Variants in ZNF3 observed in about 807,000 individuals in gnomAD.
ZNF3 encodes the protein zinc finger protein 3, also known as C2-H2 type zinc finger protein.
Under a neutral mutation model 36.9 loss-of-function variants are expected in ZNF3, and 16 were observed. The ratio of observed to expected loss-of-function variants is 0.43; its 90% CI spans 0.29 to 0.66. ZNF3 has a LOEUF of 0.66. ZNF3 is among the 30% of genes least tolerant of loss of function. ZNF3 has a pLI of 0.13. For synonymous variants in ZNF3, 201 were observed against 201.9 expected (o/e 1.00, Z 0.04); for missense variants, 462 against 543.1 (o/e 0.85, Z 1.48).
At position 100,081,188 on chromosome 7, in the gene ZNF3, G is replaced by T. The variant is rs1020434442; in HGVS notation, c.-198+447C>A. 2.0e-5 allele frequency among the ~76,000 whole-genome samples: 3 copies of T among 152,204 alleles called. No individual in the cohort carries two copies. The highest frequency in any genetic ancestry group is 7.2e-5 in the African/African-American group (3 of 41,442). ...CCCAGCCCTCGTGCTAACTGCGTAC[G>T]CTTAGCAGAATTTCTCTGATCCTTG... On this transcript the variant is annotated intron_variant, in intron 1 of 5. Coordinates refer to ENST00000299667, the MANE Select transcript of ZNF3 (RefSeq NM_032924.5). The surrounding 1 kb of genome is among the most constrained non-coding windows in gnomAD (Gnocchi z 4.3).
chr7:100,079,500 G>A (rs1794663333), intron 2 of ZNF3, 36 bp downstream of exon 2: 1 of 152,122 alleles, frequency 6.6e-6, no homozygotes, highest in Non-Finnish European at 1.5e-5. Flanking sequence ...CGAGATAGAT[G>A]GCCTGGCAGT....
At chr7:100,075,471 T>C in intron 4 of ZNF3, 71 bp downstream of exon 4, 2 of 1,579,426 alleles carry the variant, frequency 1.3e-6, no homozygotes, top group Non-Finnish European at 8.7e-7. Flanking sequence ...GAGATCAGGG[T>C]TTAAAGCTCT....
chr7:100,074,614 C>T lies in ZNF3; in HGVS notation c.271+521G>A, dbSNP rs188193110. 1.7e-3 allele frequency among the ~76,000 whole-genome samples: 254 copies of T among 152,312 alleles called. 1 individual carries two copies. Among genetic ancestry groups the T allele is most frequent in the Non-Finnish European group, 2.2e-3 (151 of 68,016 alleles). ...CCTGTAAAATGAGGAATAATACTAGCTGCCTCAATTAATGTGTTACTGTGA... is the reference window on the plus strand; with the variant it reads ...CCTGTAAAATGAGGAATAATACTAGTTGCCTCAATTAATGTGTTACTGTGA... On this transcript the variant is annotated intron_variant, in intron 5 of 5. Transcript: ENST00000299667.
At chr7:100,079,481 C>T (rs762453135) in intron 2 of ZNF3, 55 bp downstream of exon 2, 3 of 152,170 alleles carry the variant, frequency 2.0e-5, no homozygotes, top group Non-Finnish European at 2.9e-5. Context: ...TGGTGCTGCC[C>T]GTGGGGACCG....
chr7:100,072,349 G>A (rs940828507), intron 5 of ZNF3, 137 bp from the exon 6 acceptor site: 108 of 796,444 alleles, frequency 1.4e-4, no homozygotes, highest in Admixed American at 9.2e-4. Context: ...ACATGTGTGC[G>A]GCTAAGGCAA....
chr7:100,066,128 A>G (rs1047111788), downstream of ZNF3, among the ~76,000 whole-genome samples: 1 of 152,002 alleles, frequency 6.6e-6, no homozygotes, highest in East Asian at 1.9e-4. Context: ...CAGCAGCAGG[A>G]TTGCAATTTC....
rs1393444611 is a variant in ZNF3 at position 100,075,751 on chromosome 7, A to C, written c.56-121T>G. 10 of 877,792 alleles carry C rather than the reference A, an allele frequency of 1.1e-5. No individual in the cohort carries two copies. The Admixed American group carries it at 2.5e-4, about 22-fold the overall frequency. 54.4% of individuals were successfully genotyped at this position (877,792 alleles called of 1,614,324 possible). On this transcript the variant is annotated intron_variant, in intron 3 of 5. Coordinates refer to ENST00000299667, the MANE Select transcript of ZNF3 (RefSeq NM_032924.5). The stretch of plus-strand genomic sequence containing the variant: ...GGGACAACACAGGACCCTCTCTCTC[A>C]CATTTCTAAGTTTGCTTCCTCTGCA...
chr7:100,068,638 CA>C (rs35298023), downstream of ZNF3, among the ~76,000 whole-genome samples: 324 of 143,772 alleles, frequency 2.3e-3, 2 homozygotes, highest in Middle Eastern at 7.0e-3. Flanking sequence ...GACTCCATCT[CA>C]AAAAAAAAAA....
At chr7:100,064,800 A>G in exon 6 of ZNF3, 1 of 1,614,180 alleles carries the variant, frequency 6.2e-7, no homozygotes, top group South Asian at 1.1e-5. Context: ...AGAAGGTGTC[A>G]GGAGGTTCCA....
chr7:100,074,114 T>G (rs1441414189), intron 5 of ZNF3, among the ~76,000 whole-genome samples: 1 of 151,772 alleles, frequency 6.6e-6, no homozygotes, highest in African/African-American at 2.4e-5. Context: ...GAGACCACGC[T>G]ATTGCACTCC....
chr7:100,075,040 G>C, intron 5 of ZNF3, 95 bp downstream of exon 5: 1 of 1,467,942 alleles, frequency 6.8e-7, no homozygotes. Flanking sequence ...AAAAAAATCT[G>C]CTGAAACAGC....
In ZNF3 at chr7:100,075,209, T is replaced by C; in HGVS notation, c.197A>G (p.Lys66Arg). The stretch of plus-strand genomic sequence containing the variant: ...GTCCCTCTGAGCAGGTTCCAAACGC[T>C]TCCACTCCTTCCGGATGAAGTACAC... ...VAVYFIRKEW[K>R]RLEPAQRDLY... Residue 66 changes from lysine (K) to arginine (R), a missense_variant, in exon 5 of 6, where the codon AAG becomes AGG. Lys to Arg is a conservative substitution (Grantham distance 26). Coordinates refer to ENST00000299667, the MANE Select transcript of ZNF3 (RefSeq NM_032924.5). 1 of 1,614,180 alleles carries C rather than the reference T, an allele frequency of 6.2e-7. No individual in the cohort carries two copies. Among genetic ancestry groups the C allele is most frequent in the East Asian group, 2.2e-5 (1 of 44,892 alleles).
chr7:100,064,330 T>C (rs750091192), exon 6 of ZNF3: 1 of 1,613,318 alleles, frequency 6.2e-7, no homozygotes, highest in South Asian at 1.1e-5. Context: ...CATTCGTCAC[T>C]ATCGGATCCA....
rs759354659 is a variant in ZNF3 at position 100,075,615 on chromosome 7, A to G, written c.71T>C (p.Val24Ala). The G allele has an allele frequency of 1.9e-6, 3 of 1,614,102 alleles. No homozygotes were observed. Among genetic ancestry groups the G allele is most frequent in the East Asian group, 4.5e-5 (2 of 44,878 alleles). ...GCTGTCCTTGTCGGAAAAGGCAGGA[A>G]CTTTTGAAGGAAGAGCTGAAGGGCA... ...ALLDSALPSK[V>A]PAFSDKDSLG... is the part of the protein sequence containing the mutation. The change falls in exon 4 of 6, where the codon GTT becomes GCT. Residue 24 changes from valine (V) to alanine (A), a missense_variant. By Grantham distance (64) the Val-to-Ala change is moderately conservative. Coordinates refer to ENST00000299667, the MANE Select transcript of ZNF3 (RefSeq NM_032924.5).
downstream of ZNF3, among the ~76,000 whole-genome samples, chr7:100,067,866 T>C (rs1421276399): frequency 1.3e-5 from 2 of 152,216 alleles, no homozygotes; most frequent in Admixed American, 1.3e-4. Flanking sequence ...CTGCCCAGGC[T>C]TGATGCTGGT....
chr7:100,080,436 G>T (rs894773716), intron 1 of ZNF3, among the ~76,000 whole-genome samples: 3 of 152,188 alleles, frequency 2.0e-5, no homozygotes, highest in African/African-American at 2.4e-5. Context: ...CCAGGCTATG[G>T]TGAGCCATGA....
At chr7:100,068,835 G>A (rs1216234924), downstream of ZNF3, among the ~76,000 whole-genome samples, 1 of 150,276 alleles carries the variant, frequency 6.7e-6, no homozygotes, top group Non-Finnish European at 1.5e-5. Context: ...TTTTTTTTTT[G>A]AGATGGAGTC....
chr7:100,069,291 C>G (rs536951312), downstream of ZNF3, among the ~76,000 whole-genome samples: 1 of 152,148 alleles, frequency 6.6e-6, no homozygotes, highest in African/African-American at 2.4e-5. Context: ...CATGGTGGCT[C>G]ACGCCTATAA....
rs921189187 is a variant in ZNF3 at position 100,070,202 on chromosome 7, C to T, written c.*941G>A. ...CTCCCTTTTGGGCTTTGCTCTTTCT[C>T]TGCATTAATCTTCAGCTGCTGAAGA... is the stretch of plus-strand genomic sequence containing the variant. On this transcript the variant is annotated 3_prime_UTR_variant, in exon 6 of 6. Coordinates refer to ENST00000299667, the MANE Select transcript of ZNF3 (RefSeq NM_032924.5). The T allele has an allele frequency of 5.2e-5, 51 of 983,944 alleles. No homozygotes were observed. Among genetic ancestry groups the T allele is most frequent in the East Asian group, 1.1e-4 (1 of 8,760 alleles). 61.0% of individuals were successfully genotyped at this position (983,944 alleles called of 1,614,324 possible). A position where few individuals can be genotyped will look rare whatever the true frequency, so the allele number is the denominator to read the frequency against.
Sources: gnomAD v4.1 joint callset for allele counts (sites outside exome capture counted in the v4.1 genomes callset) on GRCh38, gnomAD v4.1.1 for gene constraint, Gnocchi (gnomAD v3.1) non-coding constraint, MANE v1.5 for transcripts, NCBI Gene and HGNC (gene_info 2026-07-23, HGNC 2026-07-21) for gene names.